The following RNF149 variants were observed in gnomAD, a reference collection of about 807,000 sequenced individuals.
RNF149 encodes the protein ring finger protein 149.
Under a neutral mutation model 39.0 loss-of-function variants are expected in RNF149, and 21 were observed. That is an observed-to-expected ratio of 0.54 (90% CI 0.38 to 0.77). The LOEUF (loss-of-function observed/expected upper bound fraction) is 0.77. RNF149 is among the 30% of genes least tolerant of loss of function. The pLI is 0.00. For missense variants in RNF149, 493 were observed against 534.9 expected, an observed-to-expected ratio of 0.92 and a Z score of 0.77; for synonymous variants, 209 against 213.6, an observed-to-expected ratio of 0.98 and a Z score of 0.19.
chr2:101,273,214 C>A, downstream of RNF149: 1 of 1,006,246 alleles, frequency 9.9e-7, no homozygotes, highest in South Asian at 1.3e-5. Flanking sequence ...ACCGAGGAGC[C>A]GAGGAAACAG....
intron 1 of RNF149, among the ~76,000 whole-genome samples, chr2:101,298,779 C>T (rs991791940): frequency 1.2e-4 from 18 of 152,178 alleles, no homozygotes; most frequent in African/African-American, 4.1e-4. Flanking sequence ...TGGGGAGAGG[C>T]GCTTCGGGAT....
chr2:101,273,079 C>T (rs1176208986), downstream of RNF149: 2 of 1,360,470 alleles, frequency 1.5e-6, no homozygotes, highest in Non-Finnish European at 2.0e-6. Context: ...CTGGGAAAGG[C>T]TGTGTGTTCA....
intron 4 of RNF149, 160 bp downstream of exon 4, chr2:101,288,813 G>T: frequency 1.7e-6 from 1 of 571,980 alleles, no homozygotes; most frequent in Non-Finnish European, 3.1e-6. Flanking sequence ...TTAAAGGGCA[G>T]GGAAGATATT....
At position 101,289,560 on chromosome 2, in the gene RNF149, C is replaced by A. The variant is rs182152758; in HGVS notation, c.781-505G>T. On this transcript the variant is annotated intron_variant, in intron 3 of 6. Coordinates refer to ENST00000295317, the MANE Select transcript of RNF149 (RefSeq NM_173647.4). ...TCTTTACTAAAAATACAAAAATTAG[C>A]TGGGCATGGTGGCGCGTGCCTGTAG... Among the ~76,000 whole-genome samples, 532 of 151,962 alleles carry A rather than the reference C, an allele frequency of 3.5e-3. 7 individuals are homozygous for A. Among genetic ancestry groups the A allele is most frequent in the African/African-American group, 0.012 (508 of 41,468 alleles).
intron 5 of RNF149, among the ~76,000 whole-genome samples, chr2:101,285,684 T>G (rs961065015): frequency 1.3e-5 from 2 of 152,206 alleles, no homozygotes; most frequent in Non-Finnish European, 2.9e-5. Context: ...TATTTGATGT[T>G]AAGTATTGGC....
At chr2:101,273,726 G>A (rs919593021), downstream of RNF149, among the ~76,000 whole-genome samples, 1 of 151,958 alleles carries the variant, frequency 6.6e-6, no homozygotes, top group African/African-American at 2.4e-5. Flanking sequence ...TCCCATCTTG[G>A]CCTCCCAAAT....
chr2:101,272,974 T>C, downstream of RNF149: 1 of 1,352,372 alleles, frequency 7.4e-7, no homozygotes, highest in Non-Finnish European at 9.8e-7. Flanking sequence ...GGATATTTTG[T>C]CATCGTGTGC....
intron 1 of RNF149, among the ~76,000 whole-genome samples, chr2:101,307,386 C>T (rs749512411): frequency 3.3e-5 from 5 of 152,144 alleles, no homozygotes; most frequent in Non-Finnish European, 7.4e-5. Flanking sequence ...TCTATGTTGG[C>T]CAGGCTGGTC....
At chr2:101,285,355 T>G (rs1028072753) in intron 5 of RNF149, among the ~76,000 whole-genome samples, 1 of 152,176 alleles carries the variant, frequency 6.6e-6, no homozygotes, top group African/African-American at 2.4e-5. Flanking sequence ...GACCCTGGAA[T>G]TAGGCAAACT....
chr2:101,308,164 C>G lies in RNF149; in HGVS notation c.425G>C (p.Arg142Pro). ...ASAVVLYNEE[R>P]YGNITLPMSH... ...CATGGGCAAGGTGATGTTCCCGTAG[C>G]GCTCCTCATTGTAGAGGACGACGGC... is the stretch of plus-strand genomic sequence containing the variant. Residue 142 changes from arginine to proline, a missense_variant, in exon 1 of 7, where the codon CGC (arginine) becomes CCC (proline). Transcript: ENST00000295317. 1 of 1,610,322 alleles carries G rather than the reference C, an allele frequency of 6.2e-7. No homozygotes were observed. Among genetic ancestry groups the G allele is most frequent in the Non-Finnish European group, 8.5e-7 (1 of 1,179,264 alleles).
At chr2:101,281,550 G>A in intron 6 of RNF149, 1 of 269,662 alleles carries the variant, frequency 3.7e-6, no homozygotes, top group Non-Finnish European at 7.0e-6. Context: ...GGCTCAGGCT[G>A]GAGTACAGTG....
intron 1 of RNF149, among the ~76,000 whole-genome samples, chr2:101,303,476 G>A (rs1683537403): frequency 2.0e-5 from 3 of 152,086 alleles, no homozygotes; most frequent in African/African-American, 7.2e-5. Flanking sequence ...ATTTGTGAGA[G>A]TGTAGCATTA....
chr2:101,296,898 C>T (rs1035916014), intron 1 of RNF149, among the ~76,000 whole-genome samples: 5 of 152,112 alleles, frequency 3.3e-5, no homozygotes, highest in African/African-American at 1.2e-4. Context: ...TGAGTAAAAG[C>T]AAAACCAAGT....
At chr2:101,296,831 T>A (rs1037541562) in intron 1 of RNF149, among the ~76,000 whole-genome samples, 3 of 152,114 alleles carry the variant, frequency 2.0e-5, no homozygotes, top group African/African-American at 7.2e-5. Flanking sequence ...AAAAACTACC[T>A]CAGAGGTTCT....
chr2:101,301,037 TG>T (rs1375864054), intron 1 of RNF149, among the ~76,000 whole-genome samples: 1 of 152,194 alleles, frequency 6.6e-6, no homozygotes, highest in African/African-American at 2.4e-5. Flanking sequence ...CCAAACTAAA[TG>T]ACTGGATTTC....
rs76603135 is a variant in RNF149 at position 101,295,026 on chromosome 2, T to C, written c.616A>G (p.Ile206Val). Reference sequence around the variant, plus strand: ...ATAATCATCATGGTGATGAAGGCAATGGCCACAAACACCACAGACTGACCG... The same window carrying C: ...ATAATCATCATGGTGATGAAGGCAACGGCCACAAACACCACAGACTGACCG... Reference protein sequence around the residue: ...ISGQSVVFVAIAFITMMIISL... With the variant: ...ISGQSVVFVAVAFITMMIISL... Residue 206 changes from isoleucine to valine, a missense_variant, in exon 2 of 7, where the codon ATT becomes GTT. Transcript: ENST00000295317. 2,279 of 1,614,162 alleles carry C rather than the reference T, an allele frequency of 1.4e-3. 38 individuals are homozygous for C. In the East Asian group the frequency reaches 0.033, roughly 24 times the overall value.
At chr2:101,283,642 C>T (rs1250174490) in intron 5 of RNF149, among the ~76,000 whole-genome samples, 2 of 152,148 alleles carry the variant, frequency 1.3e-5, no homozygotes, top group African/African-American at 2.4e-5. Flanking sequence ...TTTCTGAGGT[C>T]TGATGTTACT....
intron 1 of RNF149, among the ~76,000 whole-genome samples, chr2:101,301,137 T>C (rs1298308794): frequency 6.6e-6 from 1 of 152,138 alleles, no homozygotes; most frequent in Non-Finnish European, 1.5e-5. Context: ...TTGTTACCAA[T>C]ATTGCTTGAC....
intron 1 of RNF149, among the ~76,000 whole-genome samples, chr2:101,296,769 A>G (rs1361236558): frequency 6.6e-6 from 1 of 152,200 alleles, no homozygotes; most frequent in Non-Finnish European, 1.5e-5. Context: ...CAATGGCTAG[A>G]AGAAACATGG....
Sources: gnomAD v4.1 joint callset for allele counts (sites outside exome capture counted in the v4.1 genomes callset) on GRCh38, gnomAD v4.1.1 for gene constraint, MANE v1.5 for transcripts, NCBI Gene and HGNC (gene_info 2026-07-23, HGNC 2026-07-21) for gene names.